Variants in LEMD3 observed in about 807,000 individuals in gnomAD.
LEMD3 encodes inner nuclear membrane protein Man1.
In LEMD3, 33 loss-of-function variants were observed where a neutral mutation model predicts 95.2. The observed-to-expected ratio is 0.35, with a 90% CI of 0.26 to 0.46. The LOEUF is 0.46. LEMD3 is among the 20% of genes least tolerant of loss of function. The pLI is 1.00. For synonymous variants in LEMD3, 525 were observed against 474.6 expected (o/e 1.11, Z -1.38); for missense variants, 1,210 against 1,192.8 (o/e 1.01, Z -0.21).
intron 4 of LEMD3, among the ~76,000 whole-genome samples, chr12:65,230,033 T>C (rs1043916985): frequency 3.3e-5 from 5 of 152,210 alleles, no homozygotes; most frequent in African/African-American, 1.2e-4. Flanking sequence ...TCTGCCTGTT[T>C]TCACAGCACC....
chr12:65,195,808 C>CAG (rs149136510), intron 1 of LEMD3, among the ~76,000 whole-genome samples: 83 of 152,148 alleles, frequency 5.5e-4, no homozygotes, highest in African/African-American at 1.5e-3. Context: ...CTCTCTGGTG[C>CAG]AGAGAGAGAG....
At chr12:65,235,566 T>C (rs1402604944) in intron 4 of LEMD3, among the ~76,000 whole-genome samples, 2 of 152,112 alleles carry the variant, frequency 1.3e-5, no homozygotes, top group Non-Finnish European at 2.9e-5. Flanking sequence ...ATTTTAAAAA[T>C]ACAGCTATCT....
chr12:65,212,105 C>T (rs965224120), intron 2 of LEMD3, among the ~76,000 whole-genome samples: 3 of 151,992 alleles, frequency 2.0e-5, no homozygotes, highest in African/African-American at 4.8e-5. Flanking sequence ...TCATGTCTTA[C>T]CTGGTGGCAG....
rs1257070076 is a variant in LEMD3 at position 65,169,638 on chromosome 12, T to C, written c.42T>C (p.Asp14=). ...AAASAPQQLS[D]EELFSQLRRY... ...CTTCGGCGCCTCAGCAGCTCTCGGATGAGGAGCTTTTCTCTCAGCTCCGCC... is the reference window on the plus strand; with the variant it reads ...CTTCGGCGCCTCAGCAGCTCTCGGACGAGGAGCTTTTCTCTCAGCTCCGCC... The change falls in exon 1 of 13, where the codon GAT becomes GAC. Residue 14 remains aspartate, a synonymous_variant. Coordinates refer to ENST00000308330, the MANE Select transcript of LEMD3 (RefSeq NM_014319.5). 2 of 1,589,020 alleles carry C rather than the reference T, an allele frequency of 1.3e-6. No individual in the cohort carries two copies. Among genetic ancestry groups the C allele is most frequent in the East Asian group, 4.5e-5 (2 of 44,048 alleles).
intron 1 of LEMD3, among the ~76,000 whole-genome samples, chr12:65,199,160 C>CCTCA (rs1869519456): frequency 6.6e-6 from 1 of 152,044 alleles, no homozygotes; most frequent in African/African-American, 2.4e-5. Flanking sequence ...TGAATGAGGA[C>CCTCA]TTCAGTTTTA....
In LEMD3 at chr12:65,210,865, G is replaced by T. The variant is rs1869916179; in HGVS notation, c.1523-61G>T. On this transcript the variant is annotated intron_variant, in intron 1 of 12. Transcript: ENST00000308330. Reference sequence around the variant, plus strand: ...TACATGCTGGCATTTCAGAGAGTTTGTTTGGGGGATTTTAATTCGTAAGTG... The same window carrying T: ...TACATGCTGGCATTTCAGAGAGTTTTTTTGGGGGATTTTAATTCGTAAGTG... 4.0e-6 allele frequency: 5 copies of T among 1,256,404 alleles called. No homozygotes were observed. The East Asian group carries it at 9.3e-5, about 23-fold the overall frequency. 77.8% of individuals were successfully genotyped at this position (1,256,404 alleles called of 1,614,324 possible). A position where few individuals can be genotyped will look rare whatever the true frequency, so the allele number is the denominator to read the frequency against.
chr12:65,172,795 T>G (rs1413403912), intron 1 of LEMD3, among the ~76,000 whole-genome samples: 1 of 151,588 alleles, frequency 6.6e-6, no homozygotes, highest in East Asian at 1.9e-4. Context: ...GCACAATCTC[T>G]GGTCACTGCA....
rs1225260510 is a variant in LEMD3, at chr12:65,170,401, G to A, written c.805G>A (p.Val269Met). 1 of 1,614,102 alleles carries A rather than the reference G, an allele frequency of 6.2e-7. No individual in the cohort carries two copies. The highest frequency in any genetic ancestry group is 1.1e-5 in the South Asian group (1 of 91,080). The change falls in exon 1 of 13, where the codon GTG (valine) becomes ATG (methionine). Residue 269 changes from valine (V) to methionine (M), a missense_variant. By Grantham distance (21) the Val-to-Met change is conservative. This residue lies in a region of LEMD3 where 749 missense variants were observed against 622.9 expected (regional missense o/e 1.20). Coordinates refer to ENST00000308330, the MANE Select transcript of LEMD3 (RefSeq NM_014319.5). The part of the protein sequence containing the change: ...SDSEEEDDDD[V>M]ASSRQVLKDD... ...CTCAGAGGAAGAGGACGACGACGAC[G>A]TGGCCTCCAGCAGACAGGTATTAAA...
intron 4 of LEMD3, among the ~76,000 whole-genome samples, chr12:65,219,095 TTA>T (rs1870202870): frequency 6.6e-6 from 1 of 152,176 alleles, no homozygotes; most frequent in Admixed American, 6.5e-5. Flanking sequence ...TCAATTTTTT[TTA>T]GTTTGTTTTA....
intron 4 of LEMD3, among the ~76,000 whole-genome samples, chr12:65,222,973 A>G (rs1302042208): frequency 6.6e-6 from 1 of 151,848 alleles, no homozygotes; most frequent in African/African-American, 2.4e-5. Context: ...TTTGATTTTT[A>G]GTTTCATTTC....
chr12:65,238,398 T>C (rs1870834306), intron 4 of LEMD3, 104 bp from the exon 5 acceptor site: 8 of 721,646 alleles, frequency 1.1e-5, no homozygotes, highest in South Asian at 1.0e-4. Flanking sequence ...TTTTATGTTA[T>C]GTAGTTAAAA....
intron 4 of LEMD3, among the ~76,000 whole-genome samples, chr12:65,222,637 CTATT>C (rs1383818216): frequency 1.3e-5 from 2 of 151,942 alleles, no homozygotes; most frequent in Non-Finnish European, 2.9e-5. Context: ...ATTAAATTCT[CTATT>C]TAATTTATTT....
intron 1 of LEMD3, among the ~76,000 whole-genome samples, chr12:65,172,131 G>A (rs909322880): frequency 2.0e-5 from 3 of 152,298 alleles, no homozygotes; most frequent in Middle Eastern, 3.4e-3. Flanking sequence ...AGCACCTTGA[G>A]CAAAGGGGAG....
intron 1 of LEMD3, among the ~76,000 whole-genome samples, chr12:65,183,782 T>C (rs754136787): frequency 3.3e-5 from 5 of 152,166 alleles, no homozygotes; most frequent in Non-Finnish European, 7.4e-5. Flanking sequence ...TTTTCCTTAT[T>C]TTTAGGCACA....
At chr12:65,177,299 T>C (rs1464754131) in intron 1 of LEMD3, among the ~76,000 whole-genome samples, 2 of 151,676 alleles carry the variant, frequency 1.3e-5, no homozygotes, top group Non-Finnish European at 2.9e-5. Flanking sequence ...CTGAAGGAGG[T>C]GGATAAGTGG....
intron 4 of LEMD3, 83 bp downstream of exon 4, chr12:65,218,702 A>G: frequency 1.3e-6 from 1 of 772,106 alleles, no homozygotes; most frequent in South Asian, 1.6e-5. Context: ...CATATGTTTG[A>G]TTATTTTAAT....
intron 1 of LEMD3, among the ~76,000 whole-genome samples, chr12:65,196,950 G>A (rs935067655): frequency 6.6e-6 from 1 of 152,130 alleles, no homozygotes; most frequent in Non-Finnish European, 1.5e-5. Flanking sequence ...TTATGAATTG[G>A]GCAGCACTCA....
Position 65,169,657 on chromosome 12 carries a change from C to A in LEMD3, c.61C>A (p.Leu21Ile). ...CTCGGATGAGGAGCTTTTCTCTCAGCTCCGCCGTTACGGCCTGTCTCCCGG... is the reference window on the plus strand; with the variant it reads ...CTCGGATGAGGAGCTTTTCTCTCAGATCCGCCGTTACGGCCTGTCTCCCGG... ...QLSDEELFSQLRRYGLSPGPV... is the reference protein window; with the variant it reads ...QLSDEELFSQIRRYGLSPGPV... The change falls in exon 1 of 13, where the codon CTC (leucine) becomes ATC (isoleucine). Residue 21 changes from leucine to isoleucine, a missense_variant. Leu to Ile is a conservative substitution (Grantham distance 5, BLOSUM62 2). This residue lies in a region of LEMD3 where 749 missense variants were observed against 622.9 expected (regional missense o/e 1.20). Transcript: ENST00000308330. 6.3e-7 allele frequency: 1 copy of A among 1,585,244 alleles called. No individual in the cohort carries two copies. The highest frequency in any genetic ancestry group is 1.8e-5 in the Admixed American group (1 of 55,328).
At chr12:65,216,838 CTCTT>C (rs1181053822) in intron 3 of LEMD3, among the ~76,000 whole-genome samples, 1 of 152,078 alleles carries the variant, frequency 6.6e-6, no homozygotes, top group African/African-American at 2.4e-5. Context: ...CCTCTGATCT[CTCTT>C]TGTTTTGTAC....
Sources: allele counts gnomAD v4.1 joint callset (sites outside exome capture counted in the v4.1 genomes callset), GRCh38; gene constraint gnomAD v4.1.1; regional missense constraint gnomAD v4.1.1; transcripts MANE v1.5; gene names NCBI Gene and HGNC (gene_info 2026-07-23, HGNC 2026-07-21).